PCDHA4: variants seen among roughly 807,000 people sequenced by gnomAD.
PCDHA4 encodes protocadherin alpha 4.
A neutral mutation model predicts 61.4 loss-of-function variants in PCDHA4; 49 were observed. The ratio of observed to expected loss-of-function variants is 0.80; its 90% CI spans 0.63 to 1.01. The LOEUF is 1.01. Ranked by LOEUF, PCDHA4 falls within the 50% of genes least tolerant of loss-of-function variation. PCDHA4 has a pLI of 0.00. For missense variants in PCDHA4, 1,254 were observed against 1,235.8 expected (o/e 1.01, Z -0.22); for synonymous variants, 590 against 550.3 (o/e 1.07, Z -1.01).
intron 1 of PCDHA4, chr5:140,841,926 G>C (rs1490008187): frequency 6.2e-7 from 1 of 1,613,806 alleles, no homozygotes; most frequent in African/African-American, 1.3e-5. Context: ...TCCTTGGACA[G>C]AGAGGACGCT....
intron 1 of PCDHA4, chr5:140,857,404 T>C: frequency 1.3e-6 from 2 of 1,597,962 alleles, no homozygotes; most frequent in Non-Finnish European, 1.7e-6. Flanking sequence ...ACAACGCGCC[T>C]GCGTTCGCGC....
rs2150109199 is a variant in PCDHA4, at chr5:140,821,298, T to C, written c.2385+11726T>C. On this transcript the variant is annotated intron_variant, in intron 1 of 3. Coordinates refer to ENST00000530339, the MANE Select transcript of PCDHA4 (RefSeq NM_018907.4). ...TTGGAAATATATAAACTCCTCCCTATATAAAATACACCAGCACAAATTTCT... is the reference window on the plus strand; with the variant it reads ...TTGGAAATATATAAACTCCTCCCTACATAAAATACACCAGCACAAATTTCT... 7.9e-5 allele frequency among the ~76,000 whole-genome samples: 12 copies of C among 152,314 alleles called. No individual in the cohort carries two copies. In the South Asian group the frequency reaches 2.3e-3, roughly 29 times the overall value.
intron 1 of PCDHA4, chr5:140,868,284 G>A (rs1554161873): frequency 6.6e-6 from 1 of 152,004 alleles, no homozygotes; most frequent in Non-Finnish European, 1.5e-5. Flanking sequence ...TACCAAGTTT[G>A]AGAATATGAA....
At chr5:140,929,015 A>C (rs1563111690) in intron 1 of PCDHA4, 3 of 1,614,016 alleles carry the variant, frequency 1.9e-6, no homozygotes, top group African/African-American at 1.3e-5. Flanking sequence ...ACCAAGTTGC[A>C]CCAGAGCCCA....
At chr5:140,870,426 C>G (rs574302735) in intron 1 of PCDHA4, 1 of 1,614,208 alleles carries the variant, frequency 6.2e-7, no homozygotes, top group African/African-American at 1.3e-5. Flanking sequence ...CCAGGGTATC[C>G]GTGGAGGTGG....
chr5:140,937,326 C>T (rs1287239556), intron 1 of PCDHA4, among the ~76,000 whole-genome samples: 1 of 152,164 alleles, frequency 6.6e-6, no homozygotes, highest in South Asian at 2.1e-4. Context: ...CGTGAGCCAC[C>T]GCGCCCGGCT....
At chr5:140,824,612 T>TTTTTTTTTG (rs1768223304) in intron 1 of PCDHA4, 1 of 117,268 alleles carries the variant, frequency 8.5e-6, no homozygotes, top group African/African-American at 4.0e-5. Flanking sequence ...TAATTAAAGT[T>TTTTTTTTTG]TTTTTTTTTT....
At position 140,808,835 on chromosome 5, in the gene PCDHA4, A is replaced by G. The variant is rs1554124834; in HGVS notation, c.1648A>G (p.Thr550Ala). Residue 550 changes from threonine (T) to alanine (A), a missense_variant, in exon 1 of 4, where the codon ACG becomes GCG. Physicochemically the swap from Thr to Ala is moderately conservative, Grantham distance 58. Transcript: ENST00000530339. ...AGVPPLGSNV[T>A]LQVFVLDEND... ...CGTGCCACCTCTGGGCAGCAACGTG[A>G]CGCTGCAGGTGTTCGTGCTGGACGA... 1 of 1,612,992 alleles carries G rather than the reference A, an allele frequency of 6.2e-7. No individual in the cohort carries two copies.
chr5:140,860,534 AAGAC>A, intron 1 of PCDHA4: 1 of 152,306 alleles, frequency 6.6e-6, no homozygotes, highest in Middle Eastern at 3.4e-3. Flanking sequence ...TCTGATTTGT[AAGAC>A]AAACCCACCT....
intron 1 of PCDHA4, among the ~76,000 whole-genome samples, chr5:140,921,678 A>C (rs2080326339): frequency 6.6e-6 from 1 of 152,222 alleles, no homozygotes; most frequent in South Asian, 2.1e-4. Context: ...AGTTATCATC[A>C]AACACTGGCC....
chr5:141,006,620 T>C (rs1237251555), intron 3 of PCDHA4, among the ~76,000 whole-genome samples: 3 of 152,148 alleles, frequency 2.0e-5, no homozygotes, highest in Admixed American at 6.5e-5. Context: ...ATAAGGAGAC[T>C]ATTGCTGCAA....
intron 1 of PCDHA4, chr5:140,864,380 A>C (rs1581715525): frequency 6.6e-6 from 1 of 152,354 alleles, no homozygotes; most frequent in East Asian, 1.9e-4. Flanking sequence ...CGATAAGTTT[A>C]TCTCTCACAA....
intron 1 of PCDHA4, chr5:140,930,248 C>T (rs2086692121): frequency 1.3e-5 from 2 of 152,178 alleles, no homozygotes; most frequent in South Asian, 4.1e-4. Flanking sequence ...GTCCATTCAA[C>T]TTGGATTTAA....
chr5:140,870,286 A>C, intron 1 of PCDHA4: 1 of 1,614,124 alleles, frequency 6.2e-7, no homozygotes, highest in Non-Finnish European at 8.5e-7. Context: ...CGTTCCCTTC[A>C]AGCTGGTGTC....
chr5:140,959,449 A>G (rs2095488988), intron 1 of PCDHA4, among the ~76,000 whole-genome samples: 1 of 152,196 alleles, frequency 6.6e-6, no homozygotes, highest in South Asian at 2.1e-4. Context: ...TTTTGTGCTG[A>G]AAAGCTGAAG....
At chr5:140,863,601 A>G (rs781889102) in intron 1 of PCDHA4, 1 of 355,024 alleles carries the variant, frequency 2.8e-6, no homozygotes, top group Non-Finnish European at 5.6e-6. Flanking sequence ...TTTCATTCCT[A>G]TTAATGTCCC....
At chr5:140,883,416 G>A (rs782422692) in intron 1 of PCDHA4, 3 of 1,614,158 alleles carry the variant, frequency 1.9e-6, no homozygotes, top group East Asian at 2.2e-5. Context: ...GGCTCAAATG[G>A]ACAGGTCACC....
At chr5:140,941,202 C>CTTTCTTT (rs1554213921) in intron 1 of PCDHA4, among the ~76,000 whole-genome samples, 7,232 of 122,704 alleles carry the variant, frequency 0.059, 419 homozygotes, top group East Asian at 0.13. Flanking sequence ...TTTCTTTCTT[C>CTTTCTTT]CTTTCTTTCT....
chr5:141,008,346 C>T lies in PCDHA4; in HGVS notation c.2534-1281C>T, dbSNP rs1223206383. Among the ~76,000 whole-genome samples the T allele has an allele frequency of 2.0e-5, 3 of 152,158 alleles. No homozygotes were observed. The East Asian group carries it at 5.8e-4, about 29-fold the overall frequency. On this transcript the variant is annotated intron_variant, in intron 3 of 3. Coordinates refer to ENST00000530339, the MANE Select transcript of PCDHA4 (RefSeq NM_018907.4). ...ACAGTTTATTTGATGGAGCTTTTCA[C>T]GTGTCAACCAAAGGAGCAGTGTTAG...
Sources: allele counts gnomAD v4.1 joint callset (sites outside exome capture counted in the v4.1 genomes callset), GRCh38; gene constraint gnomAD v4.1.1; transcripts MANE v1.5; gene names NCBI Gene and HGNC (gene_info 2026-07-23, HGNC 2026-07-21).